Variants in RASGRF2 observed in about 807,000 individuals in gnomAD.
The protein encoded by RASGRF2 is Ras protein specific guanine nucleotide releasing factor 2, also known as ras-specific guanine nucleotide-releasing factor 2.
A neutral mutation model predicts 151.0 loss-of-function variants in RASGRF2; 76 were observed. The ratio of observed to expected loss-of-function variants is 0.50; its 90% CI spans 0.42 to 0.61. The LOEUF (loss-of-function observed/expected upper bound fraction) is 0.61. RASGRF2 is among the 20% of genes least tolerant of loss of function. The pLI, the probability that RASGRF2 is intolerant of heterozygous loss-of-function variation, is 0.00. For missense variants in RASGRF2, 1,148 were observed against 1,564.6 expected (o/e 0.73, Z 4.49); for synonymous variants, 504 against 566.5 (o/e 0.89, Z 1.57).
chr5:81,180,352 G>GT, intron 18 of RASGRF2, 71 bp downstream of exon 18: 1 of 907,874 alleles, frequency 1.1e-6, no homozygotes, highest in Middle Eastern at 2.1e-4. Flanking sequence ...TGTGACACAT[G>GT]TAAAACACCT....
At position 81,116,508 on chromosome 5, in the gene RASGRF2, A is replaced by G. The variant is rs1753161950; in HGVS notation, c.2470+2588A>G. Among the ~76,000 whole-genome samples the G allele has an allele frequency of 2.0e-5, 3 of 152,288 alleles. No individual in the cohort carries two copies. In the East Asian group the frequency reaches 5.8e-4, roughly 29 times the overall value. On this transcript the variant is annotated intron_variant, in intron 15 of 26. Coordinates refer to ENST00000265080, the MANE Select transcript of RASGRF2 (RefSeq NM_006909.3). ...GTTAGTAGTCCTCTTAGGGCTTTCT[A>G]GCACGGAGTAAACTTCAAAACAACA...
At position 81,229,653 on chromosome 5, in the gene RASGRF2, ATGT is replaced by A. The variant is rs1298951027; in HGVS notation, c.*3886_*3888del. On this transcript the variant is annotated 3_prime_UTR_variant, in exon 27 of 27. Coordinates refer to ENST00000265080, the MANE Select transcript of RASGRF2 (RefSeq NM_006909.3). The stretch of plus-strand genomic sequence containing the variant: ...AATAATAGTTCTATTATACTTAATG[ATGT>A]TGGTTTTTACACAGCTCATTTCATT... 1 of 152,234 alleles carries A rather than the reference ATGT, an allele frequency of 6.6e-6. No homozygotes were observed. Among genetic ancestry groups the A allele is most frequent in the African/African-American group, 2.4e-5 (1 of 41,462 alleles). The allele number at this position is 152,234 out of a possible 1,614,324, so 9.4% of individuals were successfully genotyped here.
At chr5:81,221,846 G>A (rs1025991678) in intron 26 of RASGRF2, among the ~76,000 whole-genome samples, 9 of 152,104 alleles carry the variant, frequency 5.9e-5, no homozygotes, top group African/African-American at 1.4e-4. Context: ...GCATGGTGGC[G>A]GGCAGCTGTA....
chr5:81,085,777 C>G (rs1752211554), intron 7 of RASGRF2, 25 bp from the exon 8 acceptor site: 4 of 1,613,726 alleles, frequency 2.5e-6, no homozygotes, highest in Non-Finnish European at 3.4e-6. Context: ...ATGTCTTGCT[C>G]ATACTGGCCT....
At chr5:80,988,958 T>C (rs1044446206) in intron 1 of RASGRF2, among the ~76,000 whole-genome samples, 2 of 151,854 alleles carry the variant, frequency 1.3e-5, no homozygotes, top group Non-Finnish European at 2.9e-5. Flanking sequence ...CCATTGAGCA[T>C]CAGAAAGTTG....
intron 26 of RASGRF2, among the ~76,000 whole-genome samples, chr5:81,222,040 C>T (rs924633676): frequency 2.0e-5 from 3 of 152,106 alleles, no homozygotes; most frequent in African/African-American, 7.2e-5. Flanking sequence ...TATTTTGCCC[C>T]CGTCCTAGTT....
intron 23 of RASGRF2, among the ~76,000 whole-genome samples, chr5:81,213,097 TC>T (rs1400154867): frequency 3.3e-5 from 5 of 152,354 alleles, no homozygotes; most frequent in African/African-American, 1.2e-4. Context: ...TCAAACTAAA[TC>T]ATGATTCTTC....
At chr5:81,008,092 A>C (rs1238032388) in intron 1 of RASGRF2, among the ~76,000 whole-genome samples, 1 of 151,782 alleles carries the variant, frequency 6.6e-6, no homozygotes, top group Non-Finnish European at 1.5e-5. Flanking sequence ...AGTAATTGGA[A>C]AAAGTGGATG....
In RASGRF2 at chr5:81,108,916, T is replaced by A. The variant is rs559558266; in HGVS notation, c.1756-80T>A. On this transcript the variant is annotated intron_variant, in intron 12 of 26. Transcript: ENST00000265080. Reference sequence around the variant, plus strand: ...GGAGAGAGAAATTGAATGGATTCTTTTAGCTATAAACAATTGTGGGAATAT... The same window carrying A: ...GGAGAGAGAAATTGAATGGATTCTTATAGCTATAAACAATTGTGGGAATAT... 183 of 1,488,282 alleles carry A rather than the reference T, an allele frequency of 1.2e-4. 1 individual carries two copies. The South Asian group carries it at 2.3e-3, about 19-fold the overall frequency. The allele number at this position is 1,488,282 out of a possible 1,614,324, so 92.2% of individuals were successfully genotyped here.
Position 81,073,307 on chromosome 5 carries a change from G to T in RASGRF2, c.742G>T (p.Val248Leu), listed in dbSNP as rs745879999. The change falls in exon 5 of 27, where the codon GTG becomes TTG. Residue 248 changes from valine (V) to leucine (L), a missense_variant. Coordinates refer to ENST00000265080, the MANE Select transcript of RASGRF2 (RefSeq NM_006909.3). The part of the protein sequence containing the change: ...AESMRKRNQI[V>L]FTMVEAESEY... ...AAGTATGAGGAAGAGAAACCAGATT[G>T]TGTTCACCATGGTGGAGGCAGAGTC... 6.2e-7 allele frequency: 1 copy of T among 1,614,132 alleles called. No individual in the cohort carries two copies. Among genetic ancestry groups the T allele is most frequent in the Non-Finnish European group, 8.5e-7 (1 of 1,180,000 alleles).
chr5:81,129,762 C>T lies in RASGRF2; in HGVS notation c.2686+2599C>T, dbSNP rs75590952. Among the ~76,000 whole-genome samples, 431 of 152,290 alleles carry T rather than the reference C, an allele frequency of 2.8e-3. 2 individuals are homozygous for T. Among genetic ancestry groups the T allele is most frequent in the Non-Finnish European group, 4.6e-3 (310 of 68,040 alleles). ...ATTGTCGATTGTGATTTGCTAAGAC[C>T]TTCTCCTGTCTTCCGTTCTCACTCG... On this transcript the variant is annotated intron_variant, in intron 17 of 26. Coordinates refer to ENST00000265080, the MANE Select transcript of RASGRF2 (RefSeq NM_006909.3).
intron 18 of RASGRF2, among the ~76,000 whole-genome samples, chr5:81,185,259 A>G (rs994459827): frequency 1.3e-5 from 2 of 152,186 alleles, no homozygotes; most frequent in Non-Finnish European, 2.9e-5. Context: ...AAATGCTTCA[A>G]GGAAACCATC....
chr5:81,033,609 A>T (rs1218018299), intron 1 of RASGRF2, among the ~76,000 whole-genome samples: 86 of 150,184 alleles, frequency 5.7e-4, no homozygotes, highest in African/African-American at 2.1e-3. Flanking sequence ...GGAAAGCTGA[A>T]ACTGGATCCC....
chr5:81,165,911 C>A (rs1171912680), intron 17 of RASGRF2, among the ~76,000 whole-genome samples: 3 of 3,010 alleles, frequency 1.0e-3, no homozygotes, highest in Non-Finnish European at 1.9e-3. Flanking sequence ...ACTCCTGGTG[C>A]TTGACTCTCT....
intron 12 of RASGRF2, among the ~76,000 whole-genome samples, chr5:81,098,033 G>A (rs932479008): frequency 1.3e-5 from 2 of 152,232 alleles, no homozygotes; most frequent in African/African-American, 2.4e-5. Flanking sequence ...TAGTCCAGGC[G>A]AGAGATGTTG....
At chr5:81,006,824 T>C (rs904744831) in intron 1 of RASGRF2, among the ~76,000 whole-genome samples, 1 of 152,206 alleles carries the variant, frequency 6.6e-6, no homozygotes, top group African/African-American at 2.4e-5. Context: ...GAGTTTTCAT[T>C]AACTGAACAC....
chr5:81,133,696 A>T (rs1363792751), intron 17 of RASGRF2, among the ~76,000 whole-genome samples: 4 of 152,214 alleles, frequency 2.6e-5, no homozygotes, highest in Non-Finnish European at 5.9e-5. Flanking sequence ...TGAGCAGATT[A>T]TATGTTTTAC....
chr5:81,113,447 C>T, intron 14 of RASGRF2, 91 bp from the exon 15 acceptor site: 1 of 1,398,722 alleles, frequency 7.1e-7, no homozygotes, highest in Non-Finnish European at 9.8e-7. Context: ...AGATTGTGAC[C>T]TATAAATGAA....
chr5:81,109,725 A>G (rs560693278), intron 13 of RASGRF2, among the ~76,000 whole-genome samples: 1 of 152,218 alleles, frequency 6.6e-6, no homozygotes, highest in South Asian at 2.1e-4. Context: ...CTGGCACCCA[A>G]ATGCATCTTT....
Sources: allele counts gnomAD v4.1 joint callset (sites outside exome capture counted in the v4.1 genomes callset), GRCh38; gene constraint gnomAD v4.1.1; transcripts MANE v1.5; gene names NCBI Gene and HGNC (gene_info 2026-07-23, HGNC 2026-07-21).